The following F11R variants were observed in gnomAD, a reference collection of about 807,000 sequenced individuals.
F11R encodes the protein junctional adhesion molecule A.
A neutral mutation model predicts 39.3 loss-of-function variants in F11R; 27 were observed. The ratio of observed to expected loss-of-function variants is 0.69; its 90% CI spans 0.51 to 0.95. The LOEUF (loss-of-function observed/expected upper bound fraction) is 0.95. F11R is among the 40% of genes least tolerant of loss of function. The pLI, the probability that F11R is intolerant of heterozygous loss-of-function variation, is 0.00. For missense variants in F11R, 335 were observed against 372.7 expected, an observed-to-expected ratio of 0.90 and a Z score of 0.83; for synonymous variants, 131 against 144.9, an observed-to-expected ratio of 0.90 and a Z score of 0.69.
intron 1 of F11R, among the ~76,000 whole-genome samples, chr1:161,013,947 G>A (rs900402399): frequency 1.3e-5 from 2 of 152,122 alleles, no homozygotes; most frequent in South Asian, 2.1e-4. Context: ...CTCCTGTTCC[G>A]CCCCTACATT....
intron 1 of F11R, among the ~76,000 whole-genome samples, chr1:161,005,576 T>C (rs1648756821): frequency 6.6e-6 from 1 of 152,122 alleles, no homozygotes; most frequent in African/African-American, 2.4e-5. Context: ...TTTCATCATG[T>C]TGGCCAGGCT....
chr1:161,012,168 G>A (rs1351942752), intron 1 of F11R, among the ~76,000 whole-genome samples: 1 of 152,158 alleles, frequency 6.6e-6, no homozygotes, highest in Non-Finnish European at 1.5e-5. Flanking sequence ...GAAGGCAGAG[G>A]CCTCCAGACT....
At position 160,998,049 on chromosome 1, in the gene F11R, T is replaced by G. The variant is rs17838183; in HGVS notation, c.*822A>C. 1 of 152,190 alleles carries G rather than the reference T, an allele frequency of 6.6e-6. No individual in the cohort carries two copies. The highest frequency in any genetic ancestry group is 1.9e-4 in the East Asian group (1 of 5,266). 9.4% of individuals were successfully genotyped at this position (152,190 alleles called of 1,614,324 possible). ...GATTACAGGCATGCACCACTATGCC[T>G]GGCTAACTTTGTATTTTTAGTAGGG... On this transcript the variant is annotated 3_prime_UTR_variant, in exon 10 of 10. Coordinates refer to ENST00000368026, the MANE Select transcript of F11R (RefSeq NM_016946.6).
At chr1:161,010,761 G>A (rs1024661712) in intron 1 of F11R, among the ~76,000 whole-genome samples, 8 of 151,814 alleles carry the variant, frequency 5.3e-5, no homozygotes, top group African/African-American at 1.2e-4. Context: ...TGAGGCGGAC[G>A]GATCACTTGA....
chr1:160,998,771 G>A lies in F11R; in HGVS notation c.*100C>T, dbSNP rs1648276605. 6.6e-6 allele frequency: 8 copies of A among 1,213,544 alleles called. No homozygotes were observed. The highest frequency in any genetic ancestry group is 9.7e-6 in the Non-Finnish European group (8 of 821,864). 75.2% of individuals were successfully genotyped at this position (1,213,544 alleles called of 1,614,324 possible). On this transcript the variant is annotated 3_prime_UTR_variant, in exon 10 of 10. Transcript: ENST00000368026. ...GTAGGGGGCCCTGTGGGGTGTAGAAGACAAATAAGGCATCCTGTGAAACTA... is the reference window on the plus strand; with the variant it reads ...GTAGGGGGCCCTGTGGGGTGTAGAAAACAAATAAGGCATCCTGTGAAACTA...
intron 1 of F11R, chr1:161,002,662 A>C (rs1648559965): frequency 6.6e-6 from 1 of 152,228 alleles, no homozygotes. Context: ...GTTAAATTCA[A>C]GTACATTTTT....
At chr1:161,013,529 G>C (rs1257843960) in intron 1 of F11R, among the ~76,000 whole-genome samples, 2 of 152,098 alleles carry the variant, frequency 1.3e-5, no homozygotes, top group African/African-American at 4.8e-5. Context: ...TCCCATAAGG[G>C]TTGGCCTCCT....
chr1:161,019,977 T>C (rs1292611892), intron 1 of F11R, among the ~76,000 whole-genome samples: 1 of 152,098 alleles, frequency 6.6e-6, no homozygotes, highest in African/African-American at 2.4e-5. Context: ...ATTGTAATCA[T>C]TCATTTAACA....
Position 161,021,109 on chromosome 1 carries a change from A to G in F11R, c.-36T>C, listed in dbSNP as rs766366707. 2 of 1,584,950 alleles carry G rather than the reference A, an allele frequency of 1.3e-6. No individual in the cohort carries two copies. Among genetic ancestry groups the G allele is most frequent in the Non-Finnish European group, 1.7e-6 (2 of 1,155,322 alleles). The stretch of plus-strand genomic sequence containing the variant: ...CTCCCGACACAACAGCCGCCGAAGG[A>G]CTCCTGGGAACAGACACAGCTCCGC... On this transcript the variant is annotated 5_prime_UTR_variant, in exon 1 of 10. Transcript: ENST00000368026.
At chr1:161,018,820 C>T (rs1025252847) in intron 1 of F11R, among the ~76,000 whole-genome samples, 3 of 152,166 alleles carry the variant, frequency 2.0e-5, no homozygotes, top group Admixed American at 6.5e-5. Flanking sequence ...CAAGTCACTT[C>T]CCAGGACCCA....
intron 1 of F11R, among the ~76,000 whole-genome samples, chr1:161,010,408 C>T (rs1031190699): frequency 7.3e-6 from 1 of 137,132 alleles, no homozygotes; most frequent in Non-Finnish European, 1.5e-5. Flanking sequence ...TAAGCCACTG[C>T]ACTCCAGCCT....
chr1:161,008,041 G>A (rs2247671), intron 1 of F11R, among the ~76,000 whole-genome samples: 38,278 of 152,056 alleles, frequency 0.25, 5,106 homozygotes, highest in Middle Eastern at 0.29. Flanking sequence ...ACACACACAT[G>A]CAAATGTCCT....
At chr1:161,020,945 G>C in intron 1 of F11R, 65 bp downstream of exon 1, 1 of 1,447,830 alleles carries the variant, frequency 6.9e-7, no homozygotes, top group Non-Finnish European at 9.7e-7. Flanking sequence ...CTAGGGGCGT[G>C]GGGAGAGCCT....
At chr1:161,004,299 C>T (rs1469251745) in intron 1 of F11R, among the ~76,000 whole-genome samples, 2 of 152,042 alleles carry the variant, frequency 1.3e-5, no homozygotes, top group Non-Finnish European at 2.9e-5. Context: ...GTAGGTCACA[C>T]CTATAACCCC....
chr1:161,012,924 C>T (rs1649253665), intron 1 of F11R, among the ~76,000 whole-genome samples: 2 of 152,030 alleles, frequency 1.3e-5, no homozygotes, highest in African/African-American at 2.4e-5. Flanking sequence ...TGCACCCGGC[C>T]GATTTATTTA....
At chr1:161,003,704 G>C (rs1648630040) in intron 1 of F11R, among the ~76,000 whole-genome samples, 1 of 151,454 alleles carries the variant, frequency 6.6e-6, no homozygotes, top group African/African-American at 2.4e-5. Flanking sequence ...AGCCTCCTGA[G>C]TAGCTGGGAT....
Position 161,001,103 on chromosome 1 carries a change from G to A in F11R, c.158C>T (p.Ser53Leu), listed in dbSNP as rs773449145. The A allele has an allele frequency of 1.1e-5, 18 of 1,614,126 alleles. No homozygotes were observed. Among genetic ancestry groups the A allele is most frequent in the East Asian group, 6.7e-5 (3 of 44,880 alleles). The change falls in exon 3 of 10, where the codon TCG (serine) becomes TTG (leucine). Residue 53 changes from serine to leucine, a missense_variant. Transcript: ENST00000368026. The stretch of plus-strand genomic sequence containing the variant: ...CTCCACACGGGGAGAAGAAAAGCCC[G>A]AGTAGGCACAGGACAACTTCACAGC... ...NNPVKLSCAY[S>L]GFSSPRVEWK...
At chr1:161,013,885 G>A (rs936171509) in intron 1 of F11R, among the ~76,000 whole-genome samples, 2 of 152,116 alleles carry the variant, frequency 1.3e-5, no homozygotes, top group Non-Finnish European at 2.9e-5. Context: ...GCCTTCCAGC[G>A]CAGGACTTAC....
At chr1:161,006,599 C>A (rs1010539925) in intron 1 of F11R, among the ~76,000 whole-genome samples, 10 of 152,206 alleles carry the variant, frequency 6.6e-5, no homozygotes, top group African/African-American at 2.4e-4. Context: ...CTGCCATCAC[C>A]TGGTCTGGGC....
Sources: allele counts gnomAD v4.1 joint callset (sites outside exome capture counted in the v4.1 genomes callset), GRCh38; gene constraint gnomAD v4.1.1; transcripts MANE v1.5; gene names NCBI Gene and HGNC (gene_info 2026-07-23, HGNC 2026-07-21).